The following FHIT variants were observed in gnomAD, a reference collection of about 807,000 sequenced individuals.
FHIT encodes the protein fragile histidine triad diadenosine triphosphatase.
FHIT carries 19 observed loss-of-function variants against 17.9 expected under a neutral mutation model. The observed-to-expected ratio is 1.06, with a 90% confidence interval of 0.74 to 1.56. The LOEUF is 1.56. FHIT is among the 40% of genes most tolerant of loss of function. The pLI is 0.00. For missense variants in FHIT, 248 were observed against 189.2 expected (o/e 1.31, Z -1.82); for synonymous variants, 81 against 69.7 (o/e 1.16, Z -0.81).
At chr3:60,744,246 T>TAAAAAAAAAAAAAAAAAAAA (rs368982395) in intron 4 of FHIT, among the ~76,000 whole-genome samples, 3 of 30,904 alleles carry the variant, frequency 9.7e-5, no homozygotes, top group Non-Finnish European at 1.6e-4. Flanking sequence ...GGAAGTAATG[T>TAAAAAAAAAAAAAAAAAAAA]AAAAAAAAAA....
At chr3:61,113,321 T>G (rs909072995) in intron 2 of FHIT, among the ~76,000 whole-genome samples, 1 of 152,128 alleles carries the variant, frequency 6.6e-6, no homozygotes, top group Non-Finnish European at 1.5e-5. Context: ...CTTTGAACAA[T>G]TCTTCCAAGC....
At chr3:59,973,858 T>C (rs922156853) in intron 7 of FHIT, among the ~76,000 whole-genome samples, 5 of 152,000 alleles carry the variant, frequency 3.3e-5, no homozygotes, top group Non-Finnish European at 7.4e-5. Flanking sequence ...CCAATGAAAA[T>C]ACAGGTATAA....
At chr3:60,020,407 T>G (rs1700510913) in intron 5 of FHIT, among the ~76,000 whole-genome samples, 1 of 152,244 alleles carries the variant, frequency 6.6e-6, no homozygotes, top group East Asian at 1.9e-4. Flanking sequence ...GTTTTCTATA[T>G]CTGATCTATT....
At chr3:59,875,674 A>G (rs1421503094) in intron 8 of FHIT, among the ~76,000 whole-genome samples, 1 of 152,224 alleles carries the variant, frequency 6.6e-6, no homozygotes, top group Non-Finnish European at 1.5e-5. Flanking sequence ...ACCTTTCATC[A>G]TAATAAAAAA....
intron 5 of FHIT, among the ~76,000 whole-genome samples, chr3:60,336,070 A>T (rs978023411): frequency 3.4e-4 from 51 of 152,186 alleles, no homozygotes; most frequent in African/African-American, 1.2e-3. Flanking sequence ...GTTTTTCCAC[A>T]TACTACCAAG....
At chr3:60,677,006 C>T (rs2040635776) in intron 4 of FHIT, among the ~76,000 whole-genome samples, 1 of 152,068 alleles carries the variant, frequency 6.6e-6, no homozygotes, top group South Asian at 2.1e-4. Flanking sequence ...TCCATAGTAG[C>T]TGGGATTACA....
At chr3:60,292,756 G>A (rs994373892) in intron 5 of FHIT, among the ~76,000 whole-genome samples, 10 of 152,216 alleles carry the variant, frequency 6.6e-5, no homozygotes, top group Admixed American at 2.0e-4. Flanking sequence ...ATCAAGAAAA[G>A]CTTTCTATGA....
intron 1 of FHIT, among the ~76,000 whole-genome samples, chr3:61,208,501 T>C (rs1166398760): frequency 1.3e-5 from 2 of 152,092 alleles, no homozygotes; most frequent in African/African-American, 4.8e-5. Flanking sequence ...GGTGCTCCTG[T>C]ATTGGGTGCA....
At chr3:59,847,778 A>T (rs1701774755) in intron 8 of FHIT, among the ~76,000 whole-genome samples, 1 of 152,096 alleles carries the variant, frequency 6.6e-6, no homozygotes, top group South Asian at 2.1e-4. Flanking sequence ...TTGTAGGCCA[A>T]CTCTATAGCA....
chr3:60,206,168 A>ATTATT (rs775940301), intron 5 of FHIT, among the ~76,000 whole-genome samples: 16,949 of 133,798 alleles, frequency 0.13, 1,167 homozygotes, highest in East Asian at 0.22. Context: ...TAATAATAAT[A>ATTATT]ATAATTATAA....
intron 5 of FHIT, among the ~76,000 whole-genome samples, chr3:60,115,038 A>G (rs1704892622): frequency 6.6e-6 from 1 of 152,216 alleles, no homozygotes; most frequent in African/African-American, 2.4e-5. Context: ...AAATATTAAA[A>G]TTAATCACAT....
chr3:59,978,536 G>T (rs766279091), intron 7 of FHIT, among the ~76,000 whole-genome samples: 3 of 151,546 alleles, frequency 2.0e-5, no homozygotes, highest in Non-Finnish European at 4.4e-5. Context: ...TAACTAGCTA[G>T]TGGCCATCTC....
intron 5 of FHIT, among the ~76,000 whole-genome samples, chr3:60,470,058 T>TCTCTCTCTCTCTCTCTC (rs1576711581): frequency 2.1e-5 from 3 of 143,040 alleles, no homozygotes; most frequent in East Asian, 2.1e-4. Context: ...CTCTCTTTCT[T>TCTCTCTCTCTCTCTCTC]TCTCTCTCTC....
chr3:59,952,434 CCT>C (rs1054686619), intron 7 of FHIT, among the ~76,000 whole-genome samples: 6 of 139,510 alleles, frequency 4.3e-5, no homozygotes, highest in Non-Finnish European at 7.8e-5. Flanking sequence ...GAGTCTCCTC[CCT>C]CTCTTGTTAC....
chr3:60,869,916 C>T (rs1465722123), intron 3 of FHIT, among the ~76,000 whole-genome samples: 1 of 152,056 alleles, frequency 6.6e-6, no homozygotes, highest in Non-Finnish European at 1.5e-5. Flanking sequence ...TCCCAAGGGG[C>T]CCTCAGTACC....
chr3:60,067,297 A>T (rs976917250), intron 5 of FHIT, among the ~76,000 whole-genome samples: 4 of 151,862 alleles, frequency 2.6e-5, no homozygotes, highest in African/African-American at 9.7e-5. Flanking sequence ...TGCCAGCCAT[A>T]CAACAATCTC....
In FHIT at chr3:60,269,747, A is replaced by C. The variant is rs140597652; in HGVS notation, c.104-255595T>G. 9.7e-4 allele frequency among the ~76,000 whole-genome samples: 148 copies of C among 152,336 alleles called. No individual in the cohort carries two copies. In the Middle Eastern group the frequency reaches 0.01, roughly 11 times the overall value. Reference sequence around the variant, plus strand: ...ATTTTCTTCAAGAAGCTCACAGTCTAGTGAAGCAGATAGAAATGTTGGAAC... The same window carrying C: ...ATTTTCTTCAAGAAGCTCACAGTCTCGTGAAGCAGATAGAAATGTTGGAAC... On this transcript the variant is annotated intron_variant, in intron 5 of 9. Transcript: ENST00000492590.
At chr3:59,940,005 G>A (rs1281387802) in intron 7 of FHIT, among the ~76,000 whole-genome samples, 5 of 152,130 alleles carry the variant, frequency 3.3e-5, no homozygotes, top group Non-Finnish European at 7.4e-5. Flanking sequence ...TAGGTCACGG[G>A]ATGACAATAT....
At chr3:59,865,280 A>G (rs1523115) in intron 8 of FHIT, among the ~76,000 whole-genome samples, 1 of 152,110 alleles carries the variant, frequency 6.6e-6, no homozygotes, top group South Asian at 2.1e-4. Context: ...CTTTTAAACC[A>G]TGGCTGTCAC....
Sources: allele counts gnomAD v4.1 joint callset (sites outside exome capture counted in the v4.1 genomes callset), GRCh38; gene constraint gnomAD v4.1.1; transcripts MANE v1.5; gene names NCBI Gene and HGNC (gene_info 2026-07-23, HGNC 2026-07-21).